MCTP2: variants seen among roughly 807,000 people sequenced by gnomAD.
MCTP2 encodes the protein multiple C2 and transmembrane domain-containing protein 2.
A neutral mutation model predicts 111.6 loss-of-function variants in MCTP2; 132 were observed. The ratio of observed to expected loss-of-function variants is 1.18; its 90% confidence interval spans 1.03 to 1.37. MCTP2 has a LOEUF of 1.37. Among genes scored for constraint, MCTP2 ranks in the 40% most tolerant of loss-of-function variants. The probability of loss-of-function intolerance (pLI) is 0.00; values close to 1 mark genes in which losing one functional copy is unlikely to be tolerated. For missense variants in MCTP2, 1,183 were observed against 1,067.9 expected (o/e 1.11, Z -1.50); for synonymous variants, 395 against 387.7 (o/e 1.02, Z -0.22).
intron 17 of MCTP2, among the ~76,000 whole-genome samples, 154 bp from the exon 18 acceptor site, chr15:94,440,022 T>C (rs1277681754): frequency 6.6e-6 from 1 of 152,126 alleles, no homozygotes; most frequent in African/African-American, 2.4e-5. Flanking sequence ...TAAAAATGAG[T>C]TGATCATTGT....
In MCTP2 at chr15:94,356,130, G is replaced by T. The variant is rs1464481139; in HGVS notation, c.1006-7G>T. On this transcript the variant is annotated splice_polypyrimidine_tract_variant and splice_region_variant and intron_variant, in intron 8 of 22. Coordinates refer to ENST00000357742, the MANE Select transcript of MCTP2 (RefSeq NM_001385001.1). ...AGTTTACATGTCATCTTTATTTTTT[G>T]CTTTAGTCCTCTTTGATACGCAACC... The T allele has an allele frequency of 6.4e-7, 1 of 1,562,922 alleles. No individual in the cohort carries two copies. The highest frequency in any genetic ancestry group is 1.8e-5 in the Admixed American group (1 of 54,312).
chr15:94,372,516 G>A (rs1009852095), intron 12 of MCTP2, among the ~76,000 whole-genome samples: 1 of 152,190 alleles, frequency 6.6e-6, no homozygotes, highest in African/African-American at 2.4e-5. Flanking sequence ...AGAGGTCAGC[G>A]ATCGTGGCCT....
rs2078368954 is a variant in MCTP2, at chr15:94,352,650, C to G, written c.1006-3487C>G. 2.6e-5 allele frequency among the ~76,000 whole-genome samples: 4 copies of G among 152,282 alleles called. No homozygotes were observed. In the South Asian group the frequency reaches 8.3e-4, roughly 32 times the overall value. ...CTGTGATGGGTCATTTCCTTCTCTC[C>G]TTTCACATTCCAGGCTGCATTAAGA... On this transcript the variant is annotated intron_variant, in intron 8 of 22. Coordinates refer to ENST00000357742, the MANE Select transcript of MCTP2 (RefSeq NM_001385001.1).
intron 22 of MCTP2, among the ~76,000 whole-genome samples, chr15:94,477,249 G>A (rs144957563): frequency 3.3e-5 from 5 of 152,154 alleles, no homozygotes; most frequent in South Asian, 4.1e-4. Flanking sequence ...CCCTTCTATC[G>A]TCTTCCCTCT....
At chr15:94,384,364 T>G (rs1333037451) in intron 13 of MCTP2, among the ~76,000 whole-genome samples, 2 of 152,212 alleles carry the variant, frequency 1.3e-5, no homozygotes, top group Non-Finnish European at 2.9e-5. Context: ...GTGACTAAAT[T>G]AATCTATGAA....
At chr15:94,315,372 C>T (rs537677833) in intron 3 of MCTP2, among the ~76,000 whole-genome samples, 157 bp from the exon 4 acceptor site, 3 of 152,266 alleles carry the variant, frequency 2.0e-5, no homozygotes, top group Admixed American at 2.0e-4. Context: ...TTTAATAAAG[C>T]AGGGTAACCA....
Position 94,398,967 on chromosome 15 carries a change from G to C in MCTP2, c.1795G>C (p.Asp599His). Residue 599 changes from aspartate to histidine, a missense_variant, in exon 15 of 23, where the codon GAT becomes CAT. Physicochemically the swap from Asp to His is moderately conservative, Grantham distance 81. Coordinates refer to ENST00000357742, the MANE Select transcript of MCTP2 (RefSeq NM_001385001.1). The stretch of plus-strand genomic sequence containing the variant: ...TGTCTTTTGTTTGTGACAGATTAGA[G>C]ATGGACAACCGAATTGTTATGTACT... ...KVAIPLLSIR[D>H]GQPNCYVLKN... is the part of the protein sequence containing the mutation. 6.5e-7 allele frequency: 1 copy of C among 1,542,632 alleles called. No individual in the cohort carries two copies. The highest frequency in any genetic ancestry group is 9.0e-7 in the Non-Finnish European group (1 of 1,116,402).
chr15:94,473,182 T>C (rs1245234500), intron 21 of MCTP2, among the ~76,000 whole-genome samples: 1 of 152,216 alleles, frequency 6.6e-6, no homozygotes, highest in Non-Finnish European at 1.5e-5. Context: ...CAGCCTAATT[T>C]TATACTAGCT....
intron 4 of MCTP2, among the ~76,000 whole-genome samples, chr15:94,319,675 A>G (rs895568591): frequency 6.6e-6 from 1 of 152,188 alleles, no homozygotes; most frequent in South Asian, 2.1e-4. Flanking sequence ...ACTCTTGATT[A>G]TGTTAGCCAG....
intron 1 of MCTP2, among the ~76,000 whole-genome samples, chr15:94,290,737 C>G (rs1472241642): frequency 1.3e-5 from 2 of 152,084 alleles, no homozygotes; most frequent in African/African-American, 2.4e-5. Flanking sequence ...AAACACAAAC[C>G]AAAAGTAAAT....
chr15:94,245,260 ACATATGTG>A (rs1567263695), intron 1 of MCTP2, among the ~76,000 whole-genome samples: 2 of 142,986 alleles, frequency 1.4e-5, no homozygotes, highest in African/African-American at 5.0e-5. Flanking sequence ...ATGTATATAT[ACATATGTG>A]TATATACGTA....
At position 94,241,008 on chromosome 15, in the gene MCTP2, T is replaced by C. The variant is rs549520006; in HGVS notation, c.-66+9344T>C. Among the ~76,000 whole-genome samples, 3 of 152,312 alleles carry C rather than the reference T, an allele frequency of 2.0e-5. No individual in the cohort carries two copies. The South Asian group carries it at 6.2e-4, about 32-fold the overall frequency. On this transcript the variant is annotated intron_variant, in intron 1 of 22. Coordinates refer to ENST00000357742, the MANE Select transcript of MCTP2 (RefSeq NM_001385001.1). Reference sequence around the variant, plus strand: ...ATTAAGACACACTTATCAAATAAGATCTTTTCAAGATCCAGAGTATACAGA... The same window carrying C: ...ATTAAGACACACTTATCAAATAAGACCTTTTCAAGATCCAGAGTATACAGA...
intron 4 of MCTP2, among the ~76,000 whole-genome samples, chr15:94,328,375 G>T (rs191579423): frequency 1.3e-5 from 2 of 152,094 alleles, no homozygotes; most frequent in East Asian, 1.9e-4. Context: ...TGATCCACCC[G>T]CCTTGGCCTC....
chr15:94,345,119 A>G lies in MCTP2; in HGVS notation c.970-10A>G, dbSNP rs113569491. The stretch of plus-strand genomic sequence containing the variant: ...GCCATTTTCACCATTCCGCGGACAC[A>G]AATCTTTAGCGTTGGTCAAATCGGA... On this transcript the variant is annotated splice_polypyrimidine_tract_variant and intron_variant, in intron 7 of 22. Coordinates refer to ENST00000357742, the MANE Select transcript of MCTP2 (RefSeq NM_001385001.1). 251 of 1,612,662 alleles carry G rather than the reference A, an allele frequency of 1.6e-4. No individual in the cohort carries two copies. The African/African-American group carries it at 2.5e-3, about 16-fold the overall frequency.
chr15:94,245,682 G>T (rs1034532513), intron 1 of MCTP2, among the ~76,000 whole-genome samples: 1 of 145,078 alleles, frequency 6.9e-6, no homozygotes, highest in African/African-American at 2.5e-5. Flanking sequence ...ACATATGTAT[G>T]TGTATACATA....
At chr15:94,423,022 T>A (rs2082700519) in intron 17 of MCTP2, among the ~76,000 whole-genome samples, 1 of 152,172 alleles carries the variant, frequency 6.6e-6, no homozygotes, top group Non-Finnish European at 1.5e-5. Flanking sequence ...CCTAAGCACT[T>A]TCATTGTTTA....
chr15:94,315,446 C>A, intron 3 of MCTP2, 83 bp from the exon 4 acceptor site: 1 of 963,174 alleles, frequency 1.0e-6, no homozygotes, highest in Non-Finnish European at 1.6e-6. Flanking sequence ...TTCTTTTTTC[C>A]CTCCAAAATC....
chr15:94,374,937 T>C (rs1262474841), intron 12 of MCTP2, among the ~76,000 whole-genome samples: 1 of 152,228 alleles, frequency 6.6e-6, no homozygotes, highest in African/African-American at 2.4e-5. Context: ...CAATATCCTC[T>C]CTTTTTATAG....
chr15:94,412,952 C>A (rs560223841), intron 17 of MCTP2, among the ~76,000 whole-genome samples: 2 of 152,088 alleles, frequency 1.3e-5, no homozygotes, highest in Non-Finnish European at 2.9e-5. Context: ...GCACCTCTTT[C>A]GGCAAATTTG....
Sources: gnomAD v4.1 joint callset for allele counts (sites outside exome capture counted in the v4.1 genomes callset) on GRCh38, gnomAD v4.1.1 for gene constraint, MANE v1.5 for transcripts, NCBI Gene and HGNC (gene_info 2026-07-23, HGNC 2026-07-21) for gene names.